Variants in SNX4 observed in about 807,000 individuals in gnomAD.
The protein encoded by SNX4 is sorting nexin 4.
A neutral mutation model predicts 70.8 loss-of-function variants in SNX4; 49 were observed. That is an observed-to-expected ratio of 0.69 (90% confidence interval 0.55 to 0.88). The LOEUF (loss-of-function observed/expected upper bound fraction) is 0.88, where lower values mean the gene tolerates loss of function less well. Among genes scored for constraint, SNX4 ranks in the 40% least tolerant of loss-of-function variants. SNX4 has a pLI of 0.00. For synonymous variants in SNX4, 206 were observed against 183.8 expected, an observed-to-expected ratio of 1.12 and a Z score of -0.98; for missense variants, 528 against 544.8, an observed-to-expected ratio of 0.97 and a Z score of 0.31.
intron 1 of SNX4, among the ~76,000 whole-genome samples, chr3:125,514,731 C>A (rs1252995698): frequency 6.6e-6 from 1 of 152,110 alleles, no homozygotes; most frequent in Non-Finnish European, 1.5e-5. Context: ...CTCTGTCACC[C>A]AGACTGGAGT....
chr3:125,471,344 CAAAAAAAAA>C (rs767432586), intron 8 of SNX4, among the ~76,000 whole-genome samples: 24 of 28,162 alleles, frequency 8.5e-4, no homozygotes, highest in Non-Finnish European at 1.2e-3. Context: ...AGCTCCATCT[CAAAAAAAAA>C]AAAAAAAAAA....
rs112803860 is a variant in SNX4 at position 125,460,888 on chromosome 3, C to CGTAA, written c.855-29_855-28insTTAC. 8.7e-5 allele frequency: 93 copies of CGTAA among 1,073,456 alleles called. 3 individuals are homozygous for CGTAA. In the Middle Eastern group the frequency reaches 3.7e-3, roughly 42 times the overall value. 66.5% of individuals were successfully genotyped at this position (1,073,456 alleles called of 1,614,324 possible). A position where few individuals can be genotyped will look rare whatever the true frequency, so the allele number is the denominator to read the frequency against. ...GTTTTAAAAAAAAAAACACACATTG[C>CGTAA]ATAGAGTTACTTTCATTGGAATACA... On this transcript the variant is annotated intron_variant, in intron 9 of 13. Transcript: ENST00000251775.
At position 125,504,666 on chromosome 3, in the gene SNX4, T is replaced by C. The variant is rs1935009395; in HGVS notation, c.220A>G (p.Met74Val). 1 of 1,614,158 alleles carries C rather than the reference T, an allele frequency of 6.2e-7. No individual in the cohort carries two copies. The highest frequency in any genetic ancestry group is 8.5e-7 in the Non-Finnish European group (1 of 1,180,006). ...EAEKRTGRNA[M>V]NMQETYTAYL... ...GCAGTATATGTTTCTTGCATGTTCATGGCATTTCTTCCAGTTCGTTTTTCT... is the reference window on the plus strand; with the variant it reads ...GCAGTATATGTTTCTTGCATGTTCACGGCATTTCTTCCAGTTCGTTTTTCT... The change falls in exon 2 of 14, where the codon ATG becomes GTG. Residue 74 changes from methionine to valine, a missense_variant. Coordinates refer to ENST00000251775, the MANE Select transcript of SNX4 (RefSeq NM_003794.4).
chr3:125,498,718 T>C (rs1307791856), intron 2 of SNX4, among the ~76,000 whole-genome samples: 1 of 152,230 alleles, frequency 6.6e-6, no homozygotes, highest in Non-Finnish European at 1.5e-5. Context: ...CAGATCCATC[T>C]GATTTCAAAG....
Position 125,457,376 on chromosome 3 carries a change from A to G in SNX4, c.945-11T>C. ...TTCCTGCACACAGCCCTACAGATGA[A>G]AAAATGTGCTGCCATTTAACTTTTC... On this transcript the variant is annotated splice_polypyrimidine_tract_variant and intron_variant, in intron 10 of 13. Transcript: ENST00000251775. The G allele has an allele frequency of 6.3e-7, 1 of 1,599,002 alleles. No homozygotes were observed. The highest frequency in any genetic ancestry group is 8.6e-7 in the Non-Finnish European group (1 of 1,166,288).
intron 9 of SNX4, among the ~76,000 whole-genome samples, chr3:125,467,549 C>T (rs1399152579): frequency 1.3e-5 from 2 of 152,022 alleles, no homozygotes; most frequent in Admixed American, 6.6e-5. Flanking sequence ...TACCATCTCA[C>T]GCTAGTCAGA....
intron 12 of SNX4, 101 bp downstream of exon 12, chr3:125,453,709 A>G (rs781451843): frequency 2.6e-6 from 3 of 1,146,946 alleles, no homozygotes; most frequent in Non-Finnish European, 3.6e-6. Flanking sequence ...AGGGATGCCA[A>G]TGAAGCTGGG....
chr3:125,461,551 G>A (rs1933884977), intron 9 of SNX4, among the ~76,000 whole-genome samples: 1 of 152,110 alleles, frequency 6.6e-6, no homozygotes. Context: ...GGTATAATTG[G>A]TATACATATG....
chr3:125,477,972 A>T (rs1579989138), intron 7 of SNX4, among the ~76,000 whole-genome samples: 1 of 152,210 alleles, frequency 6.6e-6, no homozygotes, highest in Admixed American at 6.5e-5. Flanking sequence ...TCATAGTCCT[A>T]CTCCTACTTG....
In SNX4 at chr3:125,460,851, A is replaced by C. The variant is rs760857554; in HGVS notation, c.864T>G (p.Ser288=). ...SAGHHMDVYA[S]SIDDILEDEE... Reference sequence around the variant, plus strand: ...CATCTTCCAAAATATCATCAATAGAAGATGCATACCTGTTTTAAAAAAAAA... The same window carrying C: ...CATCTTCCAAAATATCATCAATAGACGATGCATACCTGTTTTAAAAAAAAA... Residue 288 remains serine, a synonymous_variant, in exon 10 of 14, where the codon TCT becomes TCG. Coordinates refer to ENST00000251775, the MANE Select transcript of SNX4 (RefSeq NM_003794.4). 1 of 1,485,498 alleles carries C rather than the reference A, an allele frequency of 6.7e-7. No individual in the cohort carries two copies. The highest frequency in any genetic ancestry group is 9.2e-7 in the Non-Finnish European group (1 of 1,086,916). 92.0% of individuals were successfully genotyped at this position (1,485,498 alleles called of 1,614,324 possible).
intron 9 of SNX4, among the ~76,000 whole-genome samples, chr3:125,462,615 A>AG (rs1447949415): frequency 1.9e-4 from 28 of 151,270 alleles, no homozygotes; most frequent in African/African-American, 6.3e-4. Flanking sequence ...AAAAAAAAAA[A>AG]AGAGAGAAGA....
At chr3:125,512,526 A>C (rs1381092560) in intron 1 of SNX4, among the ~76,000 whole-genome samples, 1 of 152,230 alleles carries the variant, frequency 6.6e-6, no homozygotes, top group Non-Finnish European at 1.5e-5. Context: ...AAAGTACAGA[A>C]CAGTGCCAAG....
intron 1 of SNX4, among the ~76,000 whole-genome samples, chr3:125,506,340 A>ATTTATTTTT: frequency 6.9e-6 from 1 of 143,888 alleles, no homozygotes; most frequent in Non-Finnish European, 1.5e-5. Flanking sequence ...CCCTTTTTTC[A>ATTTATTTTT]TTTCTTTTTT....
At chr3:125,457,867 T>A (rs576294558) in intron 10 of SNX4, among the ~76,000 whole-genome samples, 186 of 151,650 alleles carry the variant, frequency 1.2e-3, no homozygotes, top group Non-Finnish European at 1.7e-3. Context: ...ATGAGCCACC[T>A]GTACCCGGCC....
chr3:125,477,943 C>A (rs1391572004), intron 7 of SNX4, among the ~76,000 whole-genome samples: 1 of 152,114 alleles, frequency 6.6e-6, no homozygotes, highest in Admixed American at 6.6e-5. Context: ...TACATTAGAA[C>A]CAGCTTTCAG....
intron 6 of SNX4, among the ~76,000 whole-genome samples, chr3:125,484,759 A>T (rs1934485446): frequency 6.6e-6 from 1 of 152,022 alleles, no homozygotes; most frequent in Non-Finnish European, 1.5e-5. Context: ...TGGGAGGCCA[A>T]GGTGGGAGGA....
At chr3:125,504,270 T>C (rs545887180) in intron 2 of SNX4, among the ~76,000 whole-genome samples, 10 of 150,916 alleles carry the variant, frequency 6.6e-5, no homozygotes, top group Admixed American at 2.0e-4. Flanking sequence ...GAGACAGAGA[T>C]TGCAGTGAGC....
intron 13 of SNX4, 79 bp from the exon 14 acceptor site, chr3:125,447,905 T>A: frequency 1.2e-6 from 1 of 855,404 alleles, no homozygotes; most frequent in Non-Finnish European, 1.8e-6. Flanking sequence ...AGTGGTACAC[T>A]AAGTTTTGCT....
chr3:125,449,282 C>T (rs1469982151), intron 13 of SNX4: 1 of 151,802 alleles, frequency 6.6e-6, no homozygotes, highest in Non-Finnish European at 1.5e-5. Context: ...ATTAGTCAGG[C>T]ATGGTGACAC....
Sources: allele counts gnomAD v4.1 joint callset (sites outside exome capture counted in the v4.1 genomes callset), GRCh38; gene constraint gnomAD v4.1.1; transcripts MANE v1.5; gene names NCBI Gene and HGNC (gene_info 2026-07-23, HGNC 2026-07-21).